The following LRRC20 variants were observed in gnomAD, a reference collection of about 807,000 sequenced individuals.
The protein encoded by LRRC20 is leucine rich repeat containing 20, also known as leucine-rich repeat-containing protein 20.
LRRC20 carries 11 observed loss-of-function variants against 14.4 expected under a neutral mutation model. The ratio of observed to expected loss-of-function variants is 0.77; its 90% confidence interval spans 0.48 to 1.27. The LOEUF (loss-of-function observed/expected upper bound fraction) is 1.27. Among genes scored for constraint, LRRC20 ranks in the 50% most tolerant of loss-of-function variants. LRRC20 has a pLI of 0.00. For synonymous variants in LRRC20, 121 were observed against 107.3 expected, an observed-to-expected ratio of 1.13 and a Z score of -0.79; for missense variants, 219 against 251.2, an observed-to-expected ratio of 0.87 and a Z score of 0.87.
intron 2 of LRRC20, among the ~76,000 whole-genome samples, chr10:70,361,285 T>C (rs1904591): frequency 0.55 from 83,174 of 152,176 alleles, 23,859 homozygotes; most frequent in Non-Finnish European, 0.63. Flanking sequence ...TTCCTGAGTA[T>C]CCACTATATG....
chr10:70,376,626 C>T (rs1202172972), intron 1 of LRRC20, 30 bp from the exon 2 acceptor site: 14 of 1,228,368 alleles, frequency 1.1e-5, no homozygotes, highest in Admixed American at 5.4e-5. Context: ...ATGAAGTGCC[C>T]GCCTGCCAGC....
intron 2 of LRRC20, among the ~76,000 whole-genome samples, chr10:70,346,201 C>T (rs1244890696): frequency 1.3e-5 from 2 of 152,118 alleles, no homozygotes; most frequent in Non-Finnish European, 2.9e-5. Flanking sequence ...TGTATCACTG[C>T]ACTCCAGCCT....
In LRRC20 at chr10:70,306,515, G is replaced by A. The variant is rs535892399; in HGVS notation, c.401-5007C>T. Among the ~76,000 whole-genome samples the A allele has an allele frequency of 8.1e-4, 124 of 152,208 alleles. 5 individuals are homozygous for A. The South Asian group carries it at 0.025, about 31-fold the overall frequency. The stretch of plus-strand genomic sequence containing the variant: ...TCTGGTGTTTCTTCACGATTCAACC[G>A]AGACTTCGCATCCTCAGCTGAAGAC... On this transcript the variant is annotated intron_variant, in intron 4 of 4. Coordinates refer to ENST00000446961, the MANE Select transcript of LRRC20 (RefSeq NM_001278212.2).
chr10:70,366,445 T>A (rs1323933361), intron 2 of LRRC20, among the ~76,000 whole-genome samples: 1 of 151,002 alleles, frequency 6.6e-6, no homozygotes, highest in Non-Finnish European at 1.5e-5. Flanking sequence ...TAAAATAAAA[T>A]AAAAATAAAA....
chr10:70,364,483 G>C (rs754587033), intron 2 of LRRC20, among the ~76,000 whole-genome samples: 1 of 152,244 alleles, frequency 6.6e-6, no homozygotes, highest in Non-Finnish European at 1.5e-5. Flanking sequence ...GATTCAGTGG[G>C]TATCTATTAA....
At chr10:70,344,456 T>A (rs1371081430) in intron 2 of LRRC20, among the ~76,000 whole-genome samples, 1 of 152,182 alleles carries the variant, frequency 6.6e-6, no homozygotes, top group Non-Finnish European at 1.5e-5. Flanking sequence ...ATACAGTTTT[T>A]AAAGATACTA....
At chr10:70,354,953 C>A (rs144337687) in intron 2 of LRRC20, among the ~76,000 whole-genome samples, 15 of 152,250 alleles carry the variant, frequency 9.9e-5, no homozygotes, top group African/African-American at 3.4e-4. Flanking sequence ...TCTTCATGGG[C>A]CTTGTCCCCT....
intron 2 of LRRC20, among the ~76,000 whole-genome samples, chr10:70,374,157 G>A (rs1844410546): frequency 2.6e-5 from 4 of 152,146 alleles, no homozygotes; most frequent in South Asian, 4.2e-4. Context: ...TCCAACTCAG[G>A]CACACCCCTG....
At chr10:70,372,714 T>C (rs932383138) in intron 2 of LRRC20, among the ~76,000 whole-genome samples, 1 of 152,034 alleles carries the variant, frequency 6.6e-6, no homozygotes, top group Non-Finnish European at 1.5e-5. Context: ...AGTGCTGGGA[T>C]TAAAGGTGTG....
intron 2 of LRRC20, among the ~76,000 whole-genome samples, chr10:70,364,932 A>T (rs1843916062): frequency 6.6e-6 from 1 of 152,232 alleles, no homozygotes; most frequent in Admixed American, 6.5e-5. Context: ...CGCAGCAGCC[A>T]TCAGGACAGG....
chr10:70,364,467 T>C, intron 2 of LRRC20, among the ~76,000 whole-genome samples: 1 of 152,128 alleles, frequency 6.6e-6, no homozygotes, highest in South Asian at 2.1e-4. Flanking sequence ...ACGAAGAAAA[T>C]GTTGTGATTC....
intron 3 of LRRC20, among the ~76,000 whole-genome samples, chr10:70,340,081 G>A (rs1431945582): frequency 2.0e-5 from 3 of 150,804 alleles, no homozygotes; most frequent in East Asian, 2.0e-4. Flanking sequence ...AGATCACACC[G>A]CTGCACTCCA....
chr10:70,343,583 G>A (rs1324171843), intron 2 of LRRC20, among the ~76,000 whole-genome samples: 1 of 152,326 alleles, frequency 6.6e-6, no homozygotes, highest in South Asian at 2.1e-4. Context: ...CAAAAGTCAG[G>A]CTTTCAGAAG....
At chr10:70,326,227 G>A (rs1842313126) in intron 3 of LRRC20, among the ~76,000 whole-genome samples, 2 of 150,628 alleles carry the variant, frequency 1.3e-5, no homozygotes, top group East Asian at 2.0e-4. Flanking sequence ...CTGCTCTGAG[G>A]TCCCCACAGC....
chr10:70,319,469 T>TA (rs1391091883), intron 4 of LRRC20, among the ~76,000 whole-genome samples: 1 of 152,158 alleles, frequency 6.6e-6, no homozygotes, highest in African/African-American at 2.4e-5. Flanking sequence ...TCAGTCAGAC[T>TA]ACATGCCTCC....
intron 3 of LRRC20, among the ~76,000 whole-genome samples, chr10:70,328,689 G>T (rs1235344322): frequency 2.0e-5 from 3 of 152,222 alleles, no homozygotes; most frequent in African/African-American, 7.2e-5. Flanking sequence ...AGGCCAAAGT[G>T]GGTGGATCAC....
chr10:70,355,446 G>A (rs796174778), intron 2 of LRRC20, among the ~76,000 whole-genome samples: 15 of 152,248 alleles, frequency 9.9e-5, no homozygotes, highest in Admixed American at 3.9e-4. Flanking sequence ...AGAGCTCACC[G>A]AGGACCACAT....
chr10:70,356,130 C>T (rs1009010651), intron 2 of LRRC20, among the ~76,000 whole-genome samples: 4 of 152,240 alleles, frequency 2.6e-5, no homozygotes, highest in Admixed American at 2.0e-4. Context: ...CTTGGGCCAA[C>T]TCTTTCTTGC....
chr10:70,374,352 T>C (rs1318746577), intron 2 of LRRC20, among the ~76,000 whole-genome samples: 1 of 5,400 alleles, frequency 1.9e-4, no homozygotes, highest in Admixed American at 1.7e-3. Flanking sequence ...CTGTGAAGCC[T>C]TTTTTTTTTT....
Sources: allele counts gnomAD v4.1 joint callset (sites outside exome capture counted in the v4.1 genomes callset), GRCh38; gene constraint gnomAD v4.1.1; transcripts MANE v1.5; gene names NCBI Gene and HGNC (gene_info 2026-07-23, HGNC 2026-07-21).